DOCK3: variants seen among roughly 807,000 people sequenced by gnomAD.
DOCK3 encodes dedicator of cytokinesis protein 3.
In DOCK3, 60 loss-of-function variants were observed where a neutral mutation model predicts 265.6. The observed-to-expected ratio is 0.23, with a 90% CI of 0.18 to 0.28. The LOEUF (loss-of-function observed/expected upper bound fraction) is 0.28. DOCK3 is among the 10% of genes least tolerant of loss of function. The pLI, the probability that DOCK3 is intolerant of heterozygous loss-of-function variation, is 1.00. For synonymous variants in DOCK3, 881 were observed against 938.0 expected, an observed-to-expected ratio of 0.94 and a Z score of 1.11; for missense variants, 1,981 against 2,594.3, an observed-to-expected ratio of 0.76 and a Z score of 5.14.
chr3:51,083,191 A>G (rs2082302812), intron 7 of DOCK3, among the ~76,000 whole-genome samples: 1 of 152,182 alleles, frequency 6.6e-6, no homozygotes, highest in Non-Finnish European at 1.5e-5. Context: ...CACCACTGAC[A>G]CTGATTATAG....
chr3:51,378,521 C>G (rs2088326351), intron 51 of DOCK3, among the ~76,000 whole-genome samples: 1 of 152,224 alleles, frequency 6.6e-6, no homozygotes, highest in Admixed American at 6.5e-5. Context: ...ATGTAGCTAC[C>G]ACGGCCTTAG....
intron 5 of DOCK3, among the ~76,000 whole-genome samples, chr3:51,059,491 ACACC>A (rs2081332388): frequency 7.1e-6 from 1 of 140,126 alleles, no homozygotes; most frequent in Non-Finnish European, 1.5e-5. Flanking sequence ...ACACACACAC[ACACC>A]CCACATCCCA....
intron 27 of DOCK3, among the ~76,000 whole-genome samples, chr3:51,290,466 A>G (rs906192193): frequency 1.5e-4 from 23 of 152,128 alleles, no homozygotes; most frequent in African/African-American, 5.1e-4. Flanking sequence ...GTTCTCACTC[A>G]TAGGTGGGAA....
chr3:50,892,651 A>T (rs1407938042), intron 4 of DOCK3, among the ~76,000 whole-genome samples: 1 of 152,038 alleles, frequency 6.6e-6, no homozygotes, highest in East Asian at 1.9e-4. Flanking sequence ...TAGCCAGCAT[A>T]ATTTAAACAT....
At chr3:50,828,341 A>C (rs752075797) in intron 2 of DOCK3, among the ~76,000 whole-genome samples, 1 of 152,154 alleles carries the variant, frequency 6.6e-6, no homozygotes, top group Non-Finnish European at 1.5e-5. Flanking sequence ...CTTTTATGCA[A>C]CTATGGTCTA....
At chr3:51,053,076 A>AAGATAGAT (rs1553745784) in intron 5 of DOCK3, among the ~76,000 whole-genome samples, 4 of 34,548 alleles carry the variant, frequency 1.2e-4, no homozygotes, top group Non-Finnish European at 1.7e-4. Flanking sequence ...AAAAAAGTCA[A>AAGATAGAT]AGATATATAT....
intron 12 of DOCK3, among the ~76,000 whole-genome samples, chr3:51,196,096 C>A (rs547481453): frequency 1.1e-5 from 1 of 93,364 alleles, no homozygotes; most frequent in South Asian, 4.5e-4. Context: ...TCACCACGCC[C>A]AGCTAATTTT....
chr3:51,091,151 T>C (rs2082621548), intron 9 of DOCK3, among the ~76,000 whole-genome samples: 1 of 152,156 alleles, frequency 6.6e-6, no homozygotes, highest in African/African-American at 2.4e-5. Flanking sequence ...GTATGTGCCC[T>C]TGGGAAAGTT....
At chr3:51,121,870 C>G (rs1447199916) in intron 9 of DOCK3, among the ~76,000 whole-genome samples, 1 of 152,072 alleles carries the variant, frequency 6.6e-6, no homozygotes. Context: ...TGTCTGTGTC[C>G]TGCATTATTT....
At chr3:50,934,102 T>G (rs2051224147) in intron 5 of DOCK3, 25 bp downstream of exon 5, 1 of 1,521,678 alleles carries the variant, frequency 6.6e-7, no homozygotes, top group East Asian at 2.3e-5. Context: ...ACTGGTTTAT[T>G]GGATCATTAA....
At chr3:50,830,784 GAA>G (rs2045096181) in intron 2 of DOCK3, among the ~76,000 whole-genome samples, 1 of 152,138 alleles carries the variant, frequency 6.6e-6, no homozygotes, top group African/African-American at 2.4e-5. Context: ...GTCTAAATAA[GAA>G]TGCGTATTAT....
intron 2 of DOCK3, among the ~76,000 whole-genome samples, chr3:50,818,767 T>C (rs981203444): frequency 1.3e-5 from 2 of 151,714 alleles, no homozygotes; most frequent in Non-Finnish European, 2.9e-5. Flanking sequence ...AGGTTGAGGG[T>C]ATTTAGAGTA....
intron 7 of DOCK3, among the ~76,000 whole-genome samples, chr3:51,080,460 A>G (rs887941220): frequency 2.0e-5 from 3 of 152,204 alleles, no homozygotes; most frequent in Admixed American, 6.5e-5. Flanking sequence ...TACAACCCTA[A>G]TAGAGGTGAT....
chr3:51,207,611 A>G (rs1051983799), intron 12 of DOCK3, among the ~76,000 whole-genome samples: 2 of 152,210 alleles, frequency 1.3e-5, no homozygotes, highest in Admixed American at 6.5e-5. Context: ...GTAACAATTA[A>G]TTAAGCTAGT....
At chr3:51,124,209 A>G (rs961696644) in intron 9 of DOCK3, among the ~76,000 whole-genome samples, 1 of 152,112 alleles carries the variant, frequency 6.6e-6, no homozygotes, top group Non-Finnish European at 1.5e-5. Context: ...GGAAATTGAT[A>G]TAGTTTTCTC....
At chr3:51,092,137 C>T (rs151102083) in intron 9 of DOCK3, among the ~76,000 whole-genome samples, 1 of 152,182 alleles carries the variant, frequency 6.6e-6, no homozygotes, top group African/African-American at 2.4e-5. Flanking sequence ...AACCCATTGG[C>T]ACCTGGAACG....
At chr3:51,153,367 C>T (rs1201150057) in intron 10 of DOCK3, among the ~76,000 whole-genome samples, 2 of 152,142 alleles carry the variant, frequency 1.3e-5, no homozygotes, top group Non-Finnish European at 2.9e-5. Context: ...TGTAAAAGTG[C>T]AGTATTTGGG....
intron 2 of DOCK3, among the ~76,000 whole-genome samples, chr3:50,785,292 A>G (rs1310845620): frequency 6.6e-6 from 1 of 152,152 alleles, no homozygotes; most frequent in South Asian, 2.1e-4. Flanking sequence ...GCCTCTACCA[A>G]TTCGGATGTC....
At chr3:51,220,534 T>G (rs1302766024) in intron 14 of DOCK3, among the ~76,000 whole-genome samples, 1 of 150,896 alleles carries the variant, frequency 6.6e-6, no homozygotes, top group Non-Finnish European at 1.5e-5. Context: ...GCAGGAGCCT[T>G]TAATCCCAGC....
Sources: allele counts gnomAD v4.1 joint callset (sites outside exome capture counted in the v4.1 genomes callset), GRCh38; gene constraint gnomAD v4.1.1; transcripts MANE v1.5; gene names NCBI Gene and HGNC (gene_info 2026-07-23, HGNC 2026-07-21).